WDR19: variants seen among roughly 807,000 people sequenced by gnomAD.
WDR19 encodes WD repeat-containing protein 19.
A neutral mutation model predicts 180.0 loss-of-function variants in WDR19; 121 were observed. The observed-to-expected ratio is 0.67, with a 90% confidence interval of 0.58 to 0.78. The LOEUF is 0.78. Among genes scored for constraint, WDR19 ranks in the 30% least tolerant of loss-of-function variants. The pLI, the probability that WDR19 is intolerant of heterozygous loss-of-function variation, is 0.00. For synonymous variants in WDR19, 497 were observed against 540.7 expected (o/e 0.92, Z 1.12); for missense variants, 1,450 against 1,640.7 (o/e 0.88, Z 2.01).
At chr4:39,253,437 G>A (rs1034339051) in intron 25 of WDR19, 145 bp downstream of exon 25, 7 of 940,922 alleles carry the variant, frequency 7.4e-6, no homozygotes, top group Non-Finnish European at 1.1e-5. Flanking sequence ...TTCAAAGGCT[G>A]TCGTGGTCAG....
intron 4 of WDR19, among the ~76,000 whole-genome samples, chr4:39,194,134 G>A (rs1243820093): frequency 2.0e-5 from 3 of 152,064 alleles, no homozygotes; most frequent in Non-Finnish European, 4.4e-5. Context: ...TTAAAGTCAT[G>A]AATTCCCAAT....
chr4:39,277,398 T>G (rs577274052), intron 34 of WDR19, among the ~76,000 whole-genome samples: 59 of 152,342 alleles, frequency 3.9e-4, no homozygotes, highest in African/African-American at 1.4e-3. Flanking sequence ...CTCAGTCCTC[T>G]GTAGTAACAC....
chr4:39,241,795 CA>C (rs539065242), intron 21 of WDR19, among the ~76,000 whole-genome samples: 161 of 125,826 alleles, frequency 1.3e-3, no homozygotes, highest in Middle Eastern at 4.1e-3. Context: ...AACTCTGTCT[CA>C]AAAAAAAAAA....
chr4:39,258,128 G>A (rs1009383584), intron 28 of WDR19, among the ~76,000 whole-genome samples: 4 of 151,824 alleles, frequency 2.6e-5, no homozygotes, highest in African/African-American at 9.6e-5. Flanking sequence ...AAATGTGTCC[G>A]TTTGTGTTAT....
chr4:39,279,851 T>A (rs919939955), intron 36 of WDR19, among the ~76,000 whole-genome samples: 1 of 151,958 alleles, frequency 6.6e-6, no homozygotes, highest in Non-Finnish European at 1.5e-5. Flanking sequence ...TACAGGCGTG[T>A]GCCACCACGC....
At chr4:39,257,659 C>A in intron 28 of WDR19, 105 bp downstream of exon 28, 1 of 958,984 alleles carries the variant, frequency 1.0e-6, no homozygotes, top group Non-Finnish European at 1.6e-6. Context: ...TATTACAAAC[C>A]CCTACATACC....
intron 10 of WDR19, 56 bp from the exon 11 acceptor site, chr4:39,215,785 C>A: frequency 6.8e-7 from 1 of 1,471,324 alleles, no homozygotes; most frequent in Non-Finnish European, 9.1e-7. Context: ...TATTTGTTTG[C>A]TGCCTGCAAC....
At chr4:39,276,929 A>C in intron 33 of WDR19, 91 bp from the exon 34 acceptor site, 2 of 1,523,970 alleles carry the variant, frequency 1.3e-6, no homozygotes, top group Non-Finnish European at 1.8e-6. Context: ...GGTGTGTCAT[A>C]TGTCCCTGGT....
At position 39,253,262 on chromosome 4, in the gene WDR19, A is replaced by G. The variant is rs1733423971; in HGVS notation, c.2846A>G (p.Gln949Arg). The change falls in exon 25 of 37, where the codon CAG becomes CGG. Residue 949 changes from glutamine to arginine, a missense_variant. Transcript: ENST00000399820. ...EKAVNIVRET[Q>R]SLDGAKMVAR... Reference sequence around the variant, plus strand: ...GCTGTCAATATTGTTAGAGAGACCCAGTCTCTGGATGGAGCCAAAATGGTA... The same window carrying G: ...GCTGTCAATATTGTTAGAGAGACCCGGTCTCTGGATGGAGCCAAAATGGTA... 3 of 1,613,202 alleles carry G rather than the reference A, an allele frequency of 1.9e-6. No individual in the cohort carries two copies. The highest frequency in any genetic ancestry group is 8.5e-7 in the Non-Finnish European group (1 of 1,179,684).
chr4:39,195,877 T>C (rs1334270418), intron 5 of WDR19, among the ~76,000 whole-genome samples: 2 of 152,252 alleles, frequency 1.3e-5, no homozygotes, highest in Non-Finnish European at 2.9e-5. Flanking sequence ...ATTAATGTCA[T>C]TGAACTATTT....
At chr4:39,279,035 A>G (rs746678) in intron 36 of WDR19, among the ~76,000 whole-genome samples, 76,783 of 152,042 alleles carry the variant, frequency 0.51, 20,776 homozygotes, top group African/African-American at 0.71. Flanking sequence ...ATTTGGAAAT[A>G]ATCTCCATTT....
Position 39,244,469 on chromosome 4 carries a change from G to C in WDR19, c.2563-1G>C, listed in dbSNP as rs772002131. ...ATTTTAATAATCCTGTCTTATTTTA[G>C]CAATTTTCAGAAGCGGCCCAACTGT... On this transcript the variant is annotated splice_acceptor_variant, in intron 22 of 36. Coordinates refer to ENST00000399820, the MANE Select transcript of WDR19 (RefSeq NM_025132.4). LOFTEE classifies it high-confidence loss of function. The C allele has an allele frequency of 1.2e-6, 2 of 1,613,844 alleles. No individual in the cohort carries two copies. Among genetic ancestry groups the C allele is most frequent in the African/African-American group, 2.7e-5 (2 of 75,024 alleles).
At position 39,232,154 on chromosome 4, in the gene WDR19, A is replaced by G; in HGVS notation, c.2143-8A>G. The G allele has an allele frequency of 6.2e-7, 1 of 1,600,706 alleles. No homozygotes were observed. ...TTTTTTTCTCATCAGAATTGCTTTT[A>G]TTTGTAGGGAATAGAGGACTACAAT... is the stretch of plus-strand genomic sequence containing the variant. On this transcript the variant is annotated splice_region_variant and splice_polypyrimidine_tract_variant and intron_variant, in intron 18 of 36. Coordinates refer to ENST00000399820, the MANE Select transcript of WDR19 (RefSeq NM_025132.4).
chr4:39,207,028 T>TA (rs907446879), intron 9 of WDR19, among the ~76,000 whole-genome samples: 5 of 151,842 alleles, frequency 3.3e-5, no homozygotes, highest in African/African-American at 7.3e-5. Flanking sequence ...GAAATAACAA[T>TA]AAAAAAACAC....
chr4:39,189,605 A>C lies in WDR19; in HGVS notation c.165-51A>C, dbSNP rs1384169586. 20 of 1,450,712 alleles carry C rather than the reference A, an allele frequency of 1.4e-5. No individual in the cohort carries two copies. The East Asian group carries it at 5.0e-4, about 36-fold the overall frequency. 89.9% of individuals were successfully genotyped at this position (1,450,712 alleles called of 1,614,324 possible). A position where few individuals can be genotyped will look rare whatever the true frequency, so the allele number is the denominator to read the frequency against. On this transcript the variant is annotated intron_variant, in intron 3 of 36. Coordinates refer to ENST00000399820, the MANE Select transcript of WDR19 (RefSeq NM_025132.4). ...GTTATAGACAAAAATCACAAATAGT[A>C]ATTTTACTTTAAAAAACTGTATAGT...
intron 15 of WDR19, among the ~76,000 whole-genome samples, chr4:39,225,239 C>T (rs1052513557): frequency 1.3e-5 from 2 of 152,056 alleles, no homozygotes; most frequent in Non-Finnish European, 2.9e-5. Context: ...TCATAGTGGC[C>T]ATCCCAGAAA....
intron 6 of WDR19, 96 bp downstream of exon 6, chr4:39,199,689 CTATATGTGAGGTA>C: frequency 1.0e-6 from 1 of 974,584 alleles, no homozygotes. Flanking sequence ...TTTTAAAAAT[CTATATGTGAGGTA>C]TATATGTGTG....
At chr4:39,234,234 G>T (rs1333912103) in intron 19 of WDR19, among the ~76,000 whole-genome samples, 1 of 152,058 alleles carries the variant, frequency 6.6e-6, no homozygotes, top group African/African-American at 2.4e-5. Context: ...TTAATGATGA[G>T]TTTATATTTA....
At chr4:39,281,205 ATG>A (rs144111830) in intron 36 of WDR19, among the ~76,000 whole-genome samples, 2 of 110,416 alleles carry the variant, frequency 1.8e-5, no homozygotes, top group African/African-American at 4.8e-5. Flanking sequence ...CTAAATATAT[ATG>A]TGTGTGTGTA....
Sources: allele counts gnomAD v4.1 joint callset (sites outside exome capture counted in the v4.1 genomes callset), GRCh38; gene constraint gnomAD v4.1.1; transcripts MANE v1.5; gene names NCBI Gene and HGNC (gene_info 2026-07-23, HGNC 2026-07-21).